Variants in TUBGCP3 observed in about 807,000 individuals in gnomAD.
The protein encoded by TUBGCP3 is gamma-tubulin complex component 3.
A neutral mutation model predicts 123.1 loss-of-function variants in TUBGCP3; 50 were observed. The ratio of observed to expected loss-of-function variants is 0.41; its 90% CI spans 0.32 to 0.51. The LOEUF is 0.51. Among genes scored for constraint, TUBGCP3 ranks in the 20% least tolerant of loss-of-function variants. The probability of loss-of-function intolerance (pLI) is 0.36; values close to 1 mark genes in which losing one functional copy is unlikely to be tolerated. For missense variants in TUBGCP3, 882 were observed against 1,127.0 expected, an observed-to-expected ratio of 0.78 and a Z score of 3.11; for synonymous variants, 405 against 413.9, an observed-to-expected ratio of 0.98 and a Z score of 0.26.
At chr13:112,533,899 T>G (rs1033255901) in intron 11 of TUBGCP3, among the ~76,000 whole-genome samples, 5 of 151,676 alleles carry the variant, frequency 3.3e-5, no homozygotes, top group Non-Finnish European at 7.4e-5. Context: ...TGTGAGATTT[T>G]GGTGCACCCA....
intron 13 of TUBGCP3, 28 bp downstream of exon 13, chr13:112,526,914 C>A: frequency 6.5e-7 from 1 of 1,528,128 alleles, no homozygotes; most frequent in Non-Finnish European, 9.1e-7. Context: ...CCATTGCCAT[C>A]ATCACCACCC....
chr13:112,549,378 A>G (rs991302025), intron 8 of TUBGCP3, among the ~76,000 whole-genome samples: 1 of 152,084 alleles, frequency 6.6e-6, no homozygotes, highest in African/African-American at 2.4e-5. Flanking sequence ...AGATTTACCT[A>G]ATGTAAATGA....
intron 20 of TUBGCP3, among the ~76,000 whole-genome samples, chr13:112,491,117 TTTA>T (rs1400662677): frequency 6.6e-6 from 1 of 152,254 alleles, no homozygotes; most frequent in Non-Finnish European, 1.5e-5. Flanking sequence ...GCTCTTGGAC[TTTA>T]TTAACTTCTT....
upstream of TUBGCP3, among the ~76,000 whole-genome samples, chr13:112,590,137 G>A (rs7324546): frequency 0.13 from 19,482 of 151,874 alleles, 2,023 homozygotes; most frequent in African/African-American, 0.29. Flanking sequence ...CCACCATGCC[G>A]GGCTAATTTT....
At chr13:112,555,252 C>A (rs1201864691) in intron 6 of TUBGCP3, among the ~76,000 whole-genome samples, 2 of 152,180 alleles carry the variant, frequency 1.3e-5, no homozygotes, top group African/African-American at 4.8e-5. Context: ...CAGCTGTGGA[C>A]AGAGGCTGGA....
chr13:112,504,585 G>T (rs754133192), intron 18 of TUBGCP3, 41 bp downstream of exon 18: 2 of 1,503,334 alleles, frequency 1.3e-6, no homozygotes, highest in South Asian at 2.3e-5. Flanking sequence ...GCCAAGACAT[G>T]ACTTATTTAA....
chr13:112,535,164 TAC>T (rs992047485), intron 11 of TUBGCP3, among the ~76,000 whole-genome samples: 1 of 152,258 alleles, frequency 6.6e-6, no homozygotes, highest in African/African-American at 2.4e-5. Context: ...TGTATGGATA[TAC>T]GTCATTTTAT....
chr13:112,516,384 G>A, intron 17 of TUBGCP3, 56 bp downstream of exon 17: 1 of 1,470,236 alleles, frequency 6.8e-7, no homozygotes, highest in Non-Finnish European at 9.1e-7. Context: ...CGCACCCAGT[G>A]GGGGCTGGAG....
In TUBGCP3 at chr13:112,511,621, T is replaced by C. The variant is rs1210922527; in HGVS notation, c.2086+4819A>G. Among the ~76,000 whole-genome samples, 1 of 151,822 alleles carries C rather than the reference T, an allele frequency of 6.6e-6. No individual in the cohort carries two copies. Among genetic ancestry groups the C allele is most frequent in the Non-Finnish European group, 1.5e-5 (1 of 67,968 alleles). Reference sequence around the variant, plus strand: ...CAGACTTTAAGACACATTGAGAACATGAAAGCAATGTGTATCTTAGAAGTG... The same window carrying C: ...CAGACTTTAAGACACATTGAGAACACGAAAGCAATGTGTATCTTAGAAGTG... On this transcript the variant is annotated intron_variant, in intron 17 of 21. Coordinates refer to ENST00000261965, the MANE Select transcript of TUBGCP3 (RefSeq NM_006322.6). This position sits in a 1 kb window ranked among gnomAD's most constrained non-coding sequence, Gnocchi z 4.1.
At chr13:112,593,311 A>G in the TUBGCP3 span, among the ~76,000 whole-genome samples, 1 of 152,168 alleles carries the variant, frequency 6.6e-6, no homozygotes, top group Non-Finnish European at 1.5e-5. Flanking sequence ...CCAGCTGCTC[A>G]GGTGGCTGAG....
intron 2 of TUBGCP3, among the ~76,000 whole-genome samples, chr13:112,567,762 C>T (rs905770976): frequency 6.6e-6 from 1 of 152,216 alleles, no homozygotes; most frequent in Non-Finnish European, 1.5e-5. Flanking sequence ...AGAACTGACT[C>T]GCCATCCAGT....
At chr13:112,547,182 T>A (rs1188947951) in intron 10 of TUBGCP3, 1 of 363,440 alleles carries the variant, frequency 2.8e-6, no homozygotes, top group Non-Finnish European at 4.9e-6. Context: ...GCAGAAGGAC[T>A]AAAGGCAAAA....
At chr13:112,557,542 A>G (rs1880142476) in intron 5 of TUBGCP3, among the ~76,000 whole-genome samples, 1 of 152,232 alleles carries the variant, frequency 6.6e-6, no homozygotes, top group South Asian at 2.1e-4. Context: ...GCAAAAAGCA[A>G]AGCCACCCGT....
At chr13:112,532,867 T>G (rs933522484) in intron 11 of TUBGCP3, among the ~76,000 whole-genome samples, 37 of 152,222 alleles carry the variant, frequency 2.4e-4, no homozygotes, top group African/African-American at 8.7e-4. Flanking sequence ...TTCTTAGCAC[T>G]AGTGGGCTAA....
chr13:112,496,714 C>T (rs1880550619), intron 20 of TUBGCP3, among the ~76,000 whole-genome samples: 2 of 152,122 alleles, frequency 1.3e-5, no homozygotes, highest in South Asian at 2.1e-4. Flanking sequence ...TGGCCGGGCG[C>T]GGTGGCTCAT....
At chr13:112,526,771 C>G (rs1247435589) in intron 13 of TUBGCP3, among the ~76,000 whole-genome samples, 171 bp downstream of exon 13, 2 of 152,044 alleles carry the variant, frequency 1.3e-5, no homozygotes, top group African/African-American at 4.8e-5. Flanking sequence ...TCATCGCCAT[C>G]ATCACCACCC....
At chr13:112,552,001 C>T (rs1053297450) in intron 8 of TUBGCP3, among the ~76,000 whole-genome samples, 5 of 152,182 alleles carry the variant, frequency 3.3e-5, no homozygotes, top group Non-Finnish European at 7.3e-5. Flanking sequence ...ACAGGGATCA[C>T]ACTCCTATGA....
intron 2 of TUBGCP3, among the ~76,000 whole-genome samples, chr13:112,566,903 A>T (rs1880993477): frequency 6.6e-6 from 1 of 152,254 alleles, no homozygotes; most frequent in Non-Finnish European, 1.5e-5. Context: ...TTTCAATATA[A>T]AACATACTAG....
intron 17 of TUBGCP3, among the ~76,000 whole-genome samples, chr13:112,507,323 A>G (rs1304190646): frequency 6.6e-6 from 1 of 152,208 alleles, no homozygotes; most frequent in Non-Finnish European, 1.5e-5. Flanking sequence ...GTGCACAGTG[A>G]GCACAATCTG....
Sources: gnomAD v4.1 joint callset for allele counts (sites outside exome capture counted in the v4.1 genomes callset) on GRCh38, gnomAD v4.1.1 for gene constraint, Gnocchi (gnomAD v3.1) non-coding constraint, MANE v1.5 for transcripts, NCBI Gene and HGNC (gene_info 2026-07-23, HGNC 2026-07-21) for gene names.